SULF1: variants seen among roughly 807,000 people sequenced by gnomAD.
SULF1 encodes the protein sulfatase 1, also known as extracellular sulfatase Sulf-1.
SULF1 carries 46 observed loss-of-function variants against 110.5 expected under a neutral mutation model. The ratio of observed to expected loss-of-function variants is 0.42; its 90% CI spans 0.33 to 0.53. The LOEUF is 0.53. Among genes scored for constraint, SULF1 ranks in the 20% least tolerant of loss-of-function variants. The pLI, the probability that SULF1 is intolerant of heterozygous loss-of-function variation, is 0.12. For synonymous variants in SULF1, 371 were observed against 387.1 expected (o/e 0.96, Z 0.49); for missense variants, 941 against 1,094.2 (o/e 0.86, Z 1.98).
intron 1 of SULF1, among the ~76,000 whole-genome samples, chr8:69,478,068 G>A (rs533844529): frequency 6.6e-6 from 1 of 152,056 alleles, no homozygotes; most frequent in East Asian, 1.9e-4. Flanking sequence ...TTGCCCAACT[G>A]GTCTCAAACC....
chr8:69,587,720 A>G (rs1444690313), intron 7 of SULF1, among the ~76,000 whole-genome samples: 1 of 152,180 alleles, frequency 6.6e-6, no homozygotes, highest in African/African-American at 2.4e-5. Context: ...TGCTGTCTGT[A>G]GGGATGCTTT....
intron 3 of SULF1, among the ~76,000 whole-genome samples, chr8:69,544,089 T>C (rs1184435485): frequency 6.6e-6 from 1 of 152,244 alleles, no homozygotes; most frequent in Non-Finnish European, 1.5e-5. Flanking sequence ...TACACATTCA[T>C]GTTTCTCTTT....
intron 13 of SULF1, among the ~76,000 whole-genome samples, chr8:69,610,383 C>T (rs890980532): frequency 6.6e-6 from 1 of 152,188 alleles, no homozygotes; most frequent in Admixed American, 6.5e-5. Flanking sequence ...CATGGAGATC[C>T]TCCTAGAATT....
intron 3 of SULF1, among the ~76,000 whole-genome samples, chr8:69,539,893 G>A (rs1471872841): frequency 6.6e-6 from 1 of 152,198 alleles, no homozygotes; most frequent in African/African-American, 2.4e-5. Context: ...CTGTTGTGGG[G>A]AACAGGGAAA....
intron 3 of SULF1, among the ~76,000 whole-genome samples, chr8:69,508,730 A>G (rs1334947207): frequency 6.6e-6 from 1 of 152,184 alleles, no homozygotes; most frequent in Non-Finnish European, 1.5e-5. Flanking sequence ...TGCATTAAAA[A>G]CTGTATTTAT....
intron 6 of SULF1, among the ~76,000 whole-genome samples, chr8:69,580,189 T>C (rs946081231): frequency 1.3e-5 from 2 of 152,174 alleles, no homozygotes; most frequent in African/African-American, 4.8e-5. Context: ...TATGAGAGCT[T>C]GAATGTTCAA....
intron 3 of SULF1, among the ~76,000 whole-genome samples, chr8:69,520,112 TACACACACACACACACACACACAC>T (rs34036903): frequency 8.8e-5 from 12 of 137,042 alleles, no homozygotes; most frequent in Non-Finnish European, 1.9e-4. Flanking sequence ...AAATTCCAGT[TACACACACACACACACACACACAC>T]ACACACACAC....
rs150467604 is a variant in SULF1 at position 69,638,571 on chromosome 8, C to T, written c.2354C>T (p.Thr785Met). The change falls in exon 20 of 23, where the codon ACG (threonine) becomes ATG (methionine). Residue 785 changes from threonine (T) to methionine (M), a missense_variant. By Grantham distance (81) the Thr-to-Met change is moderately conservative. Transcript: ENST00000402687. ...TYWCLRTVNE[T>M]HNFLFCEFAT... is the part of the protein sequence containing the mutation. ...TGGTGTTTGCGTACAGTTAATGAGACGCATAATTTTCTTTTCTGTGAGTTT... is the reference window on the plus strand; with the variant it reads ...TGGTGTTTGCGTACAGTTAATGAGATGCATAATTTTCTTTTCTGTGAGTTT... The T allele has an allele frequency of 5.2e-4, 842 of 1,614,024 alleles. 5 individuals carry two copies. The highest frequency in any genetic ancestry group is 5.8e-4 in the Non-Finnish European group (690 of 1,180,004).
At chr8:69,564,730 A>G (rs559242555) in intron 5 of SULF1, among the ~76,000 whole-genome samples, 2 of 152,322 alleles carry the variant, frequency 1.3e-5, no homozygotes, top group South Asian at 4.1e-4. Flanking sequence ...AGCCTGCCAA[A>G]ATCTAGTGAT....
chr8:69,644,592 G>A (rs1554598501), intron 22 of SULF1, among the ~76,000 whole-genome samples: 4 of 151,682 alleles, frequency 2.6e-5, no homozygotes, highest in Admixed American at 6.6e-5. Flanking sequence ...TGGCTAACAC[G>A]GTGAAACCCC....
chr8:69,486,766 A>G (rs2150548911), intron 1 of SULF1, among the ~76,000 whole-genome samples: 1 of 152,304 alleles, frequency 6.6e-6, no homozygotes, highest in South Asian at 2.1e-4. Flanking sequence ...CCCATGCCCA[A>G]GCCAGCCCTG....
intron 13 of SULF1, among the ~76,000 whole-genome samples, chr8:69,609,631 CTT>C (rs2130459171): frequency 6.6e-6 from 1 of 152,350 alleles, no homozygotes; most frequent in African/African-American, 2.4e-5. Flanking sequence ...ACCTGCATCT[CTT>C]CACTTCACGT....
At chr8:69,624,332 C>A in intron 15 of SULF1, 135 bp downstream of exon 15, 1 of 1,168,556 alleles carries the variant, frequency 8.6e-7, no homozygotes, top group Non-Finnish European at 1.2e-6. Context: ...GCCTATGTAG[C>A]AACTGGGGGT....
chr8:69,484,878 C>A (rs1248373747), intron 1 of SULF1, among the ~76,000 whole-genome samples: 2 of 142,990 alleles, frequency 1.4e-5, no homozygotes, highest in Non-Finnish European at 3.1e-5. Flanking sequence ...CCTCCTCCTC[C>A]TCCTCTTCGA....
At chr8:69,554,102 C>A (rs1464885473) in intron 3 of SULF1, among the ~76,000 whole-genome samples, 2 of 152,164 alleles carry the variant, frequency 1.3e-5, no homozygotes, top group Non-Finnish European at 2.9e-5. Context: ...ACTTGTGGGG[C>A]CCATCATCCA....
chr8:69,524,801 T>G (rs187054152), intron 3 of SULF1, among the ~76,000 whole-genome samples: 4 of 152,320 alleles, frequency 2.6e-5, no homozygotes, highest in African/African-American at 9.6e-5. Flanking sequence ...ACATGCTGCT[T>G]CTTTTTTTTA....
chr8:69,542,129 A>G (rs1813893756), intron 3 of SULF1, among the ~76,000 whole-genome samples: 1 of 152,210 alleles, frequency 6.6e-6, no homozygotes. Context: ...AGCTGGTGAC[A>G]TACAGTTATA....
intron 22 of SULF1, among the ~76,000 whole-genome samples, chr8:69,646,429 T>C (rs1486033838): frequency 5.8e-5 from 2 of 34,574 alleles, no homozygotes; most frequent in African/African-American, 2.0e-4. Context: ...TATCCTCATT[T>C]TTTTTTTTTT....
At position 69,659,583 on chromosome 8, in the gene SULF1, A is replaced by C. The variant is rs1213937934; in HGVS notation, c.*1048A>C. On this transcript the variant is annotated 3_prime_UTR_variant, in exon 23 of 23. Transcript: ENST00000402687. ...TTTGCTTGTTTGTTTGTTTTGTACT[A>C]AAACAGTATTATCTTTTGAATATCG... 1.7e-5 allele frequency: 4 copies of C among 239,424 alleles called. No individual in the cohort carries two copies. The highest frequency in any genetic ancestry group is 1.6e-4 in the Admixed American group (3 of 19,146). 14.8% of individuals were successfully genotyped at this position (239,424 alleles called of 1,614,324 possible).
Sources: allele counts gnomAD v4.1 joint callset (sites outside exome capture counted in the v4.1 genomes callset), GRCh38; gene constraint gnomAD v4.1.1; transcripts MANE v1.5; gene names NCBI Gene and HGNC (gene_info 2026-07-23, HGNC 2026-07-21).